The following ATF7IP variants were observed in gnomAD, a reference collection of about 807,000 sequenced individuals.
ATF7IP encodes the protein activating transcription factor 7-interacting protein 1.
In ATF7IP, 23 loss-of-function variants were observed where a neutral mutation model predicts 106.4. The ratio of observed to expected loss-of-function variants is 0.22; its 90% CI spans 0.16 to 0.31. The LOEUF (loss-of-function observed/expected upper bound fraction) is 0.31, where lower values mean the gene tolerates loss of function less well. Ranked by LOEUF, ATF7IP falls within the 10% of genes least tolerant of loss-of-function variation. The probability of loss-of-function intolerance (pLI) is 1.00; values close to 1 mark genes in which losing one functional copy is unlikely to be tolerated. For synonymous variants in ATF7IP, 542 were observed against 539.0 expected, an observed-to-expected ratio of 1.01 and a Z score of -0.08; for missense variants, 1,334 against 1,524.3, an observed-to-expected ratio of 0.88 and a Z score of 2.08.
At chr12:14,484,788 T>C (rs1213626793) in intron 13 of ATF7IP, among the ~76,000 whole-genome samples, 2 of 152,208 alleles carry the variant, frequency 1.3e-5, no homozygotes, top group Non-Finnish European at 2.9e-5. Flanking sequence ...CTTCGGAACC[T>C]GCTTGAGCCC....
chr12:14,396,100 A>T (rs746978943), intron 1 of ATF7IP, among the ~76,000 whole-genome samples: 2 of 152,140 alleles, frequency 1.3e-5, no homozygotes, highest in African/African-American at 2.4e-5. Flanking sequence ...TACTGATTGT[A>T]ATAATTTTTG....
chr12:14,412,183 G>A (rs1314768390), intron 1 of ATF7IP, among the ~76,000 whole-genome samples: 1 of 152,128 alleles, frequency 6.6e-6, no homozygotes, highest in African/African-American at 2.4e-5. Flanking sequence ...GGTTATTGTA[G>A]CTTTGTAATA....
chr12:14,465,226 TAATA>T (rs1038549715), intron 9 of ATF7IP, among the ~76,000 whole-genome samples: 17 of 151,714 alleles, frequency 1.1e-4, no homozygotes, highest in Admixed American at 9.2e-4. Flanking sequence ...AGAAAAAAAA[TAATA>T]AATAAAATAA....
intron 1 of ATF7IP, among the ~76,000 whole-genome samples, chr12:14,373,716 A>AT (rs1185064294): frequency 2.6e-5 from 4 of 152,064 alleles, no homozygotes; most frequent in African/African-American, 9.7e-5. Context: ...ACTGAAAACT[A>AT]TTTCTCTTTT....
intron 6 of ATF7IP, among the ~76,000 whole-genome samples, chr12:14,451,396 T>C (rs1943195898): frequency 6.6e-6 from 1 of 152,118 alleles, no homozygotes. Context: ...TCCACCCTAA[T>C]TTTCATTATT....
At position 14,468,398 on chromosome 12, in the gene ATF7IP, T is replaced by G. The variant is rs144561205; in HGVS notation, c.2862+1808T>G. On this transcript the variant is annotated intron_variant, in intron 10 of 14. Transcript: ENST00000261168. ...GCTCACGTCTATAATCCCGGCACTTTGGGAGGTGAAGACAGGAGGATCACT... is the reference window on the plus strand; with the variant it reads ...GCTCACGTCTATAATCCCGGCACTTGGGGAGGTGAAGACAGGAGGATCACT... Among the ~76,000 whole-genome samples, 662 of 151,562 alleles carry G rather than the reference T, an allele frequency of 4.4e-3. 3 individuals carry two copies. The highest frequency in any genetic ancestry group is 0.015 in the African/African-American group (636 of 41,334).
intron 13 of ATF7IP, among the ~76,000 whole-genome samples, chr12:14,488,510 G>C (rs1016487249): frequency 6.6e-5 from 10 of 152,138 alleles, no homozygotes; most frequent in African/African-American, 2.2e-4. Context: ...ATTGTGCCCA[G>C]CAGATGAAGG....
intron 1 of ATF7IP, among the ~76,000 whole-genome samples, chr12:14,386,922 G>T (rs991986724): frequency 1.3e-5 from 2 of 152,084 alleles, no homozygotes; most frequent in African/African-American, 2.4e-5. Context: ...TGACTTAACA[G>T]TTTAAAATTG....
At position 14,501,248 on chromosome 12, in the gene ATF7IP, T is replaced by C. The variant is rs1717424618; in HGVS notation, c.*3175T>C. The C allele has an allele frequency of 6.6e-6, 1 of 152,212 alleles. No homozygotes were observed. Among genetic ancestry groups the C allele is most frequent in the African/African-American group, 2.4e-5 (1 of 41,466 alleles). 9.4% of individuals were successfully genotyped at this position (152,212 alleles called of 1,614,324 possible). On this transcript the variant is annotated 3_prime_UTR_variant, in exon 15 of 15. Coordinates refer to ENST00000261168, the MANE Select transcript of ATF7IP (RefSeq NM_018179.5). ...TACAAATAAGCTAGATTCTCCCAGT[T>C]TGGGAATGCAAGTTTGCTACATTTT...
rs1945122091 is a variant in ATF7IP at position 14,500,013 on chromosome 12, G to A, written c.*1940G>A. The stretch of plus-strand genomic sequence containing the variant: ...TGGGTGTAGATAATTTAGGACTGGA[G>A]GGCTGAGTTAAGTTTTAGGAGGAGA... On this transcript the variant is annotated 3_prime_UTR_variant, in exon 15 of 15. Transcript: ENST00000261168. 6.6e-6 allele frequency: 1 copy of A among 152,120 alleles called. No homozygotes were observed. The highest frequency in any genetic ancestry group is 2.4e-5 in the African/African-American group (1 of 41,416). 9.4% of individuals were successfully genotyped at this position (152,120 alleles called of 1,614,324 possible).
At chr12:14,481,286 T>A in intron 13 of ATF7IP, 101 bp downstream of exon 13, 1 of 1,012,984 alleles carries the variant, frequency 9.9e-7, no homozygotes, top group Non-Finnish European at 1.5e-6. Flanking sequence ...AAAAATTTCT[T>A]ATAATGTCAT....
rs71530945 is a variant in ATF7IP, at chr12:14,481,110, G to A, written c.3205G>A (p.Ala1069Thr). ...NHQVVYTTLP[A>T]PPAQAPLRGT... ...CCAGGTGGTTTATACAACTCTTCCT[G>A]CACCACCAGCTCAGGCTCCCTTGCG... Residue 1069 changes from alanine (A) to threonine (T), a missense_variant, in exon 13 of 15, where the codon GCA (alanine) becomes ACA (threonine). Ala to Thr is a moderately conservative substitution (Grantham distance 58). Transcript: ENST00000261168. The A allele has an allele frequency of 1.3e-3, 2,119 of 1,613,932 alleles. 45 individuals carry two copies. The South Asian group carries it at 0.022, about 17-fold the overall frequency.
At chr12:14,420,852 T>A (rs1252677740) in intron 1 of ATF7IP, among the ~76,000 whole-genome samples, 1 of 150,658 alleles carries the variant, frequency 6.6e-6, no homozygotes, top group Non-Finnish European at 1.5e-5. Flanking sequence ...AGGGGCTGCT[T>A]TTCTTTCTTT....
rs772017028 is a variant in ATF7IP at position 14,425,412 on chromosome 12, G to A, written c.1497G>A (p.Glu499=). The change falls in exon 2 of 15, where the codon GAG becomes GAA. Residue 499 remains glutamate, a synonymous_variant. Coordinates refer to ENST00000261168, the MANE Select transcript of ATF7IP (RefSeq NM_018179.5). Reference sequence around the variant, plus strand: ...CCTTTCTGGTCCTCTCTGATGAAGAGGATATTTCGGGTGAAAAAGATGAGT... The same window carrying A: ...CCTTTCTGGTCCTCTCTGATGAAGAAGATATTTCGGGTGAAAAAGATGAGT... The part of the protein sequence containing the change: ...KEAFLVLSDE[E]DISGEKDESE... The A allele has an allele frequency of 1.3e-6, 2 of 1,599,556 alleles. No homozygotes were observed. Among genetic ancestry groups the A allele is most frequent in the African/African-American group, 2.7e-5 (2 of 74,006 alleles).
intron 6 of ATF7IP, among the ~76,000 whole-genome samples, chr12:14,448,810 C>T (rs527462651): frequency 1.1e-4 from 16 of 152,198 alleles, no homozygotes; most frequent in Non-Finnish European, 2.1e-4. Flanking sequence ...ACCTCGCTAA[C>T]GTGTTATTTT....
chr12:14,445,385 C>T (rs917179303), intron 5 of ATF7IP, among the ~76,000 whole-genome samples: 1 of 150,452 alleles, frequency 6.6e-6, no homozygotes, highest in African/African-American at 2.5e-5. Flanking sequence ...TTTTCTTTTT[C>T]TTTCTTTCTT....
At chr12:14,374,262 T>TA (rs1938643806) in intron 1 of ATF7IP, among the ~76,000 whole-genome samples, 1 of 144,986 alleles carries the variant, frequency 6.9e-6, no homozygotes, top group East Asian at 2.0e-4. Flanking sequence ...CAAACCCAGC[T>TA]AATTTTGTAA....
intron 1 of ATF7IP, among the ~76,000 whole-genome samples, chr12:14,380,233 T>C (rs1168478874): frequency 6.6e-6 from 1 of 152,234 alleles, no homozygotes; most frequent in Non-Finnish European, 1.5e-5. Context: ...GAAGTTTTCT[T>C]ATTCCTGCAT....
intron 4 of ATF7IP, 124 bp downstream of exon 4, chr12:14,436,375 T>C: frequency 1.0e-6 from 1 of 1,004,190 alleles, no homozygotes; most frequent in Non-Finnish European, 1.4e-6. Context: ...AGAAAGAACT[T>C]GAAGAAAGTG....
Sources: gnomAD v4.1 joint callset for allele counts (sites outside exome capture counted in the v4.1 genomes callset) on GRCh38, gnomAD v4.1.1 for gene constraint, MANE v1.5 for transcripts, NCBI Gene and HGNC (gene_info 2026-07-23, HGNC 2026-07-21) for gene names.